SLC44A4: variants seen among roughly 807,000 people sequenced by gnomAD.
SLC44A4 encodes choline transporter-like protein 4.
In SLC44A4, 74 loss-of-function variants were observed where a neutral mutation model predicts 97.0. The observed-to-expected ratio is 0.76, with a 90% CI of 0.63 to 0.93. The LOEUF is 0.93. Among genes scored for constraint, SLC44A4 ranks in the 40% least tolerant of loss-of-function variants. The pLI is 0.00. For synonymous variants in SLC44A4, 325 were observed against 363.8 expected (o/e 0.89, Z 1.21); for missense variants, 799 against 902.9 (o/e 0.88, Z 1.48).
chr6:31,868,286 C>A (rs924400626), intron 13 of SLC44A4, among the ~76,000 whole-genome samples: 1 of 152,194 alleles, frequency 6.6e-6, no homozygotes, highest in African/African-American at 2.4e-5. Context: ...TCTCTCGGGT[C>A]CCCCGCAGGG....
At chr6:31,866,716 A>T (rs898971317) in intron 13 of SLC44A4, among the ~76,000 whole-genome samples, 2 of 152,134 alleles carry the variant, frequency 1.3e-5, no homozygotes, top group African/African-American at 4.8e-5. Context: ...AACATGGTGA[A>T]ATCCCATCTC....
rs2151568668 is a variant in SLC44A4 at position 31,874,631 on chromosome 6, A to T, written c.468+90T>A. The T allele has an allele frequency of 6.4e-7, 1 of 1,560,468 alleles. No individual in the cohort carries two copies. Among genetic ancestry groups the T allele is most frequent in the East Asian group, 2.2e-5 (1 of 44,570 alleles). The stretch of plus-strand genomic sequence containing the variant: ...TGTCCCACACTCCCCAGGAGAGCCA[A>T]CCTGGTGATGATCTACCCAACTCCC... On this transcript the variant is annotated intron_variant, in intron 6 of 20. Transcript: ENST00000229729. This position sits in a 1 kb window ranked among gnomAD's most constrained non-coding sequence, Gnocchi z 4.8.
In SLC44A4 at chr6:31,878,971, T is replaced by C. The variant is rs1403735199; in HGVS notation, c.10A>G (p.Lys4Glu). 1 of 1,613,678 alleles carries C rather than the reference T, an allele frequency of 6.2e-7. No individual in the cohort carries two copies. The highest frequency in any genetic ancestry group is 1.3e-5 in the African/African-American group (1 of 75,008). Residue 4 changes from lysine (K) to glutamate (E), a missense_variant, in exon 1 of 21, where the codon AAG (lysine) becomes GAG (glutamate). By Grantham distance (56) the Lys-to-Glu change is moderately conservative. This residue lies in a region of SLC44A4 where 409 missense variants were observed against 434.1 expected (regional missense o/e 0.94). Transcript: ENST00000229729. This position sits in a 1 kb window ranked among gnomAD's most constrained non-coding sequence, Gnocchi z 4.0. The stretch of plus-strand genomic sequence containing the variant: ...GCCTCGTCATCCTCGTCCCGCTGCT[T>C]TCCCCCCATGGCTCAGTCTCCGGAG... Reference protein sequence around the residue: MGGKQRDEDDEAYG... With the variant: MGGEQRDEDDEAYG...
At position 31,864,858 on chromosome 6, in the gene SLC44A4, G is replaced by A; in HGVS notation, c.1884C>T (p.Asp628=). Reference sequence around the variant, plus strand: ...AATAGTTGAGGTGGGGGCTCTTAAAGTCTTTACCCAGCCCCGGGATGCGAC... The same window carrying A: ...AATAGTTGAGGTGGGGGCTCTTAAAATCTTTACCCAGCCCCGGGATGCGAC... ...FSGRIPGLGK[D]FKSPHLNYYW... is the part of the protein sequence containing the mutation. The change falls in exon 19 of 21, where the codon GAC becomes GAT. Residue 628 remains aspartate (D), a synonymous_variant. Coordinates refer to ENST00000229729, the MANE Select transcript of SLC44A4 (RefSeq NM_025257.3). The A allele has an allele frequency of 2.5e-6, 4 of 1,614,088 alleles. No individual in the cohort carries two copies. Among genetic ancestry groups the A allele is most frequent in the Non-Finnish European group, 3.4e-6 (4 of 1,180,002 alleles).
Position 31,864,849 on chromosome 6 carries a change from G to C in SLC44A4, c.1893C>G (p.Ser631Arg). 6.2e-7 allele frequency: 1 copy of C among 1,614,094 alleles called. No homozygotes were observed. Among genetic ancestry groups the C allele is most frequent in the Admixed American group, 1.7e-5 (1 of 60,008 alleles). Reference protein sequence around the residue: ...RIPGLGKDFKSPHLNYYWLPI... With the variant: ...RIPGLGKDFKRPHLNYYWLPI... ...GCAGCCAGTAATAGTTGAGGTGGGG[G>C]CTCTTAAAGTCTTTACCCAGCCCCG... Residue 631 changes from serine to arginine, a missense_variant, in exon 19 of 21, where the codon AGC becomes AGG. Ser to Arg is a moderately radical substitution (Grantham distance 110, BLOSUM62 -1). This residue lies in a region of SLC44A4 where 379 missense variants were observed against 438.3 expected (regional missense o/e 0.86). Transcript: ENST00000229729.
At chr6:31,868,595 A>C (rs1181919156) in intron 13 of SLC44A4, among the ~76,000 whole-genome samples, 1 of 152,144 alleles carries the variant, frequency 6.6e-6, no homozygotes, top group African/African-American at 2.4e-5. Flanking sequence ...CCAGGAGTTC[A>C]AGACCAGCCC....
chr6:31,869,632 A>G lies in SLC44A4; in HGVS notation c.1043T>C (p.Val348Ala), dbSNP rs1432774370. The part of the protein sequence containing the change: ...IALLKEASKA[V>A]GQMMSTMFYP... The stretch of plus-strand genomic sequence containing the variant: ...GAACATGGTAGACATCATCTGTCCC[A>G]CAGCCCTGCAGGGAGACAAAGCTGT... The change falls in exon 12 of 21, where the codon GTG becomes GCG. Residue 348 changes from valine (V) to alanine (A), a missense_variant. Coordinates refer to ENST00000229729, the MANE Select transcript of SLC44A4 (RefSeq NM_025257.3). 1 of 1,599,092 alleles carries G rather than the reference A, an allele frequency of 6.3e-7. No homozygotes were observed. Among genetic ancestry groups the G allele is most frequent in the African/African-American group, 1.3e-5 (1 of 74,728 alleles).
chr6:31,870,902 G>A lies in SLC44A4; in HGVS notation c.847C>T (p.Leu283=). The change falls in exon 10 of 21, where the codon CTG becomes TTG. Residue 283 remains leucine (L), a synonymous_variant. Coordinates refer to ENST00000229729, the MANE Select transcript of SLC44A4 (RefSeq NM_025257.3). ...GAGATGGAGGCGCCCTTGTCCCGCA[G>A]CACTCGGTACTCCTCCCAGCAGTAG... The part of the protein sequence containing the change: ...IYYCWEEYRV[L]RDKGASISQL... The A allele has an allele frequency of 1.2e-6, 2 of 1,613,012 alleles. No individual in the cohort carries two copies. The highest frequency in any genetic ancestry group is 1.7e-6 in the Non-Finnish European group (2 of 1,179,998).
Position 31,877,692 on chromosome 6 carries a change from C to T in SLC44A4, c.41-610G>A, listed in dbSNP as rs544534204. On this transcript the variant is annotated intron_variant, in intron 1 of 20. Transcript: ENST00000229729. This position sits in a 1 kb window ranked among gnomAD's most constrained non-coding sequence, Gnocchi z 6.5. Reference sequence around the variant, plus strand: ...TCAGTCCCCTGGCCACAGTGTGCTCCGGGCTCTGGGCCAGCAGTCAGAGTG... The same window carrying T: ...TCAGTCCCCTGGCCACAGTGTGCTCTGGGCTCTGGGCCAGCAGTCAGAGTG... 1.9e-5 allele frequency: 18 copies of T among 942,438 alleles called. No homozygotes were observed. The highest frequency in any genetic ancestry group is 1.2e-4 in the East Asian group (1 of 8,590). The allele number at this position is 942,438 out of a possible 1,614,324, so 58.4% of individuals were successfully genotyped here.
At position 31,869,256 on chromosome 6, in the gene SLC44A4, AC is replaced by A; in HGVS notation, c.1131del (p.Tyr378ThrfsTer27). The A allele has an allele frequency of 6.2e-7, 1 of 1,602,452 alleles. No homozygotes were observed. The highest frequency in any genetic ancestry group is 8.5e-7 in the Non-Finnish European group (1 of 1,174,714). On this transcript the variant is annotated frameshift_variant and splice_region_variant, in exon 13 of 21. Coordinates refer to ENST00000229729, the MANE Select transcript of SLC44A4 (RefSeq NM_025257.3). LOFTEE classifies it high-confidence loss of function. ...ICIAYWAMTA[L>X]YLATSGQPQY... ...TGGGGTTGCCCCGATGTAGCCAGGT[AC>A]CCAGAGGGGAGTCAAGGAAAGCATG...
Position 31,870,900 on chromosome 6 carries a change from C to A in SLC44A4, c.849G>T (p.Leu283=), listed in dbSNP as rs756922343. Residue 283 remains leucine, a synonymous_variant, in exon 10 of 21, where the codon CTG becomes CTT. Coordinates refer to ENST00000229729, the MANE Select transcript of SLC44A4 (RefSeq NM_025257.3). ...IYYCWEEYRV[L]RDKGASISQL... ...GGGAGATGGAGGCGCCCTTGTCCCG[C>A]AGCACTCGGTACTCCTCCCAGCAGT... The A allele has an allele frequency of 3.2e-5, 51 of 1,612,922 alleles. No individual in the cohort carries two copies. In the Admixed American group the frequency reaches 8.5e-4, roughly 27 times the overall value.
rs1763330322 is a variant in SLC44A4, at chr6:31,874,405, A to G, written c.529+55T>C. ...TCTCTGGGCCTGATTTCTTCATTCA[A>G]GCAATGAAAACACTGGACTAGATGA... On this transcript the variant is annotated intron_variant, in intron 7 of 20. Coordinates refer to ENST00000229729, the MANE Select transcript of SLC44A4 (RefSeq NM_025257.3). This position sits in a 1 kb window ranked among gnomAD's most constrained non-coding sequence, Gnocchi z 4.8. 6.3e-7 allele frequency: 1 copy of G among 1,578,308 alleles called. No individual in the cohort carries two copies. Among genetic ancestry groups the G allele is most frequent in the South Asian group, 1.1e-5 (1 of 90,184 alleles).
intron 4 of SLC44A4, 40 bp downstream of exon 4, chr6:31,875,812 C>A: frequency 1.3e-6 from 2 of 1,551,842 alleles, no homozygotes; most frequent in Non-Finnish European, 8.8e-7. Context: ...CACCCTACCT[C>A]GCCTCGCTCC....
At chr6:31,871,160 T>C in intron 9 of SLC44A4, 113 bp from the exon 10 acceptor site, 1 of 1,268,682 alleles carries the variant, frequency 7.9e-7, no homozygotes. Flanking sequence ...ATTAGGCCTC[T>C]TTCCCTTATA....
At position 31,870,807 on chromosome 6, in the gene SLC44A4, C is replaced by T; in HGVS notation, c.937+5G>A. 6.2e-7 allele frequency: 1 copy of T among 1,613,034 alleles called. No individual in the cohort carries two copies. Among genetic ancestry groups the T allele is most frequent in the Non-Finnish European group, 8.5e-7 (1 of 1,180,010 alleles). On this transcript the variant is annotated splice_donor_5th_base_variant and intron_variant, in intron 10 of 20. Transcript: ENST00000229729. ...TGGTGGCTTGGGGGTGGGCAGGACA[C>T]TCACGGGCGGCCAGCCAGGTCTCCT...
rs368324394 is a variant in SLC44A4 at position 31,878,212 on chromosome 6, C to T, written c.40+729G>A. 6.6e-6 allele frequency: 1 copy of T among 152,356 alleles called. No individual in the cohort carries two copies. Among genetic ancestry groups the T allele is most frequent in the Non-Finnish European group, 1.5e-5 (1 of 68,352 alleles). 9.4% of individuals were successfully genotyped at this position (152,356 alleles called of 1,614,324 possible). A position where few individuals can be genotyped will look rare whatever the true frequency, so the allele number is the denominator to read the frequency against. On this transcript the variant is annotated intron_variant, in intron 1 of 20. Coordinates refer to ENST00000229729, the MANE Select transcript of SLC44A4 (RefSeq NM_025257.3). This position sits in a 1 kb window ranked among gnomAD's most constrained non-coding sequence, Gnocchi z 4.0. ...CTGCTGTTTCTCCCCTCAGGCTTCACCCTTCACAGGAACCCCAGGGGCCCT... is the reference window on the plus strand; with the variant it reads ...CTGCTGTTTCTCCCCTCAGGCTTCATCCTTCACAGGAACCCCAGGGGCCCT...
Position 31,877,678 on chromosome 6 carries a change from G to A in SLC44A4, c.41-596C>T. On this transcript the variant is annotated intron_variant, in intron 1 of 20. Coordinates refer to ENST00000229729, the MANE Select transcript of SLC44A4 (RefSeq NM_025257.3). This position sits in a 1 kb window ranked among gnomAD's most constrained non-coding sequence, Gnocchi z 6.5. ...ACTCTGGTGGGACCTCAGTCCCCTG[G>A]CCACAGTGTGCTCCGGGCTCTGGGC... 1 of 969,152 alleles carries A rather than the reference G, an allele frequency of 1.0e-6. No homozygotes were observed. Among genetic ancestry groups the A allele is most frequent in the Non-Finnish European group, 1.2e-6 (1 of 814,996 alleles). The allele number at this position is 969,152 out of a possible 1,614,324, so 60.0% of individuals were successfully genotyped here.
At chr6:31,868,031 T>C (rs1320522638) in intron 13 of SLC44A4, among the ~76,000 whole-genome samples, 4 of 152,128 alleles carry the variant, frequency 2.6e-5, no homozygotes, top group Non-Finnish European at 5.9e-5. Context: ...TTGGCCAGGC[T>C]GGTCTCAAAC....
At chr6:31,875,740 G>A in intron 4 of SLC44A4, 112 bp downstream of exon 4, 1 of 969,782 alleles carries the variant, frequency 1.0e-6, no homozygotes, top group Non-Finnish European at 1.6e-6. Flanking sequence ...GGGGACAGCA[G>A]GGAAAGGCTG....
Sources: allele counts gnomAD v4.1 joint callset (sites outside exome capture counted in the v4.1 genomes callset), GRCh38; gene constraint gnomAD v4.1.1; regional missense constraint gnomAD v4.1.1; non-coding constraint Gnocchi (gnomAD v3.1); transcripts MANE v1.5; gene names NCBI Gene and HGNC (gene_info 2026-07-23, HGNC 2026-07-21).